Variants in DLG2 observed in about 807,000 individuals in gnomAD.
The protein encoded by DLG2 is disks large homolog 2.
DLG2 carries 45 observed loss-of-function variants against 132.5 expected under a neutral mutation model. The observed-to-expected ratio is 0.34, with a 90% CI of 0.27 to 0.44. The LOEUF is 0.44. Ranked by LOEUF, DLG2 falls within the 20% of genes least tolerant of loss-of-function variation. The pLI is 1.00. For synonymous variants in DLG2, 424 were observed against 419.6 expected, an observed-to-expected ratio of 1.01 and a Z score of -0.13; for missense variants, 1,045 against 1,196.9, an observed-to-expected ratio of 0.87 and a Z score of 1.87.
At chr11:83,965,071 C>T (rs2089889383) in intron 13 of DLG2, among the ~76,000 whole-genome samples, 1 of 151,986 alleles carries the variant, frequency 6.6e-6, no homozygotes, top group South Asian at 2.1e-4. Context: ...CCATACACTA[C>T]TTTAATCACA....
At chr11:84,491,577 T>A (rs2099165329) in intron 7 of DLG2, among the ~76,000 whole-genome samples, 1 of 152,130 alleles carries the variant, frequency 6.6e-6, no homozygotes, top group South Asian at 2.1e-4. Context: ...CACATCCTTG[T>A]TTGTTCTAAC....
At chr11:85,529,941 C>A (rs1331924059) in intron 3 of DLG2, among the ~76,000 whole-genome samples, 1 of 150,276 alleles carries the variant, frequency 6.7e-6, no homozygotes, top group Non-Finnish European at 1.5e-5. Flanking sequence ...ACCACTTTCT[C>A]TTCTAGCCAA....
intron 5 of DLG2, 104 bp downstream of exon 5, chr11:85,154,452 C>A: frequency 1.7e-6 from 1 of 604,192 alleles, no homozygotes; most frequent in Non-Finnish European, 2.8e-6. Context: ...AATTAGGTTA[C>A]ACATTTTCTT....
chr11:85,586,106 T>C (rs925694494), intron 3 of DLG2, among the ~76,000 whole-genome samples: 19 of 152,240 alleles, frequency 1.2e-4, no homozygotes, highest in African/African-American at 3.9e-4. Context: ...CCATTTGATA[T>C]GCTCTTAGAT....
At chr11:84,653,684 A>C (rs1444272749) in intron 6 of DLG2, among the ~76,000 whole-genome samples, 1 of 152,188 alleles carries the variant, frequency 6.6e-6, no homozygotes, top group Non-Finnish European at 1.5e-5. Flanking sequence ...CTAAGTGATA[A>C]TTCCACCAGT....
chr11:84,657,177 T>C (rs978836241), intron 6 of DLG2, among the ~76,000 whole-genome samples: 1 of 152,114 alleles, frequency 6.6e-6, no homozygotes, highest in Non-Finnish European at 1.5e-5. Flanking sequence ...GTAATAACAA[T>C]GATAATCATA....
chr11:84,247,487 G>T (rs80125169), intron 8 of DLG2, among the ~76,000 whole-genome samples: 1 of 152,036 alleles, frequency 6.6e-6, no homozygotes, highest in Non-Finnish European at 1.5e-5. Flanking sequence ...ATCTTTCCTT[G>T]TTTCTGCTTG....
intron 7 of DLG2, among the ~76,000 whole-genome samples, chr11:84,331,071 T>C (rs1026713149): frequency 6.6e-6 from 1 of 152,200 alleles, no homozygotes; most frequent in Non-Finnish European, 1.5e-5. Context: ...ATTTTTGCCT[T>C]AATTATATTT....
chr11:84,143,516 T>G lies in DLG2; in HGVS notation c.624+19945A>C, dbSNP rs1008959429. Among the ~76,000 whole-genome samples the G allele has an allele frequency of 5.6e-4, 85 of 152,218 alleles. 1 individual carries two copies. Among genetic ancestry groups the G allele is most frequent in the African/African-American group, 2.0e-3 (82 of 41,466 alleles). On this transcript the variant is annotated intron_variant, in intron 9 of 27. Coordinates refer to ENST00000376104, the MANE Select transcript of DLG2 (RefSeq NM_001142699.3). ...ACCACGTAATTCACCAAACAGGTTT[T>G]AATGCCTATTTTCATAATACATACA...
intron 7 of DLG2, among the ~76,000 whole-genome samples, chr11:84,407,584 C>T (rs958796791): frequency 1.3e-5 from 2 of 152,178 alleles, no homozygotes; most frequent in Admixed American, 6.5e-5. Flanking sequence ...TTCCTTCCAA[C>T]CCTGCTCTGA....
At chr11:85,460,635 G>A (rs914305332) in intron 3 of DLG2, among the ~76,000 whole-genome samples, 3 of 152,150 alleles carry the variant, frequency 2.0e-5, no homozygotes, top group Non-Finnish European at 4.4e-5. Flanking sequence ...TGTGAGAGAG[G>A]TGCACACTAG....
intron 6 of DLG2, among the ~76,000 whole-genome samples, chr11:85,058,249 T>C (rs926975856): frequency 6.6e-6 from 1 of 151,534 alleles, no homozygotes; most frequent in African/African-American, 2.4e-5. Context: ...TTTCTTTAAA[T>C]ATATCACCAA....
At chr11:84,781,311 A>T (rs905859572) in intron 6 of DLG2, among the ~76,000 whole-genome samples, 11 of 152,078 alleles carry the variant, frequency 7.2e-5, no homozygotes, top group African/African-American at 2.7e-4. Flanking sequence ...TTGACATACC[A>T]AACATATATT....
chr11:84,697,112 G>A (rs2058699001), intron 6 of DLG2, among the ~76,000 whole-genome samples: 1 of 151,272 alleles, frequency 6.6e-6, no homozygotes. Context: ...TGTGTTTATA[G>A]GGCAAACAAA....
At chr11:84,107,938 C>T (rs2093080882) in intron 9 of DLG2, among the ~76,000 whole-genome samples, 1 of 152,102 alleles carries the variant, frequency 6.6e-6, no homozygotes, top group African/African-American at 2.4e-5. Context: ...GGTGGGATGC[C>T]ATCAACGTGT....
chr11:84,431,293 C>T (rs1213778526), intron 7 of DLG2, among the ~76,000 whole-genome samples: 2 of 152,054 alleles, frequency 1.3e-5, no homozygotes, highest in African/African-American at 4.8e-5. Context: ...GGTCTAGAAT[C>T]ATACAGGATG....
chr11:84,278,047 GTTT>G (rs55650627), intron 7 of DLG2, among the ~76,000 whole-genome samples: 1 of 99,602 alleles, frequency 1.0e-5, no homozygotes, highest in Non-Finnish European at 2.0e-5. Flanking sequence ...GCCTGGCTAA[GTTT>G]TTTTTTTTTT....
At chr11:83,614,322 A>C (rs1280266423) in intron 19 of DLG2, among the ~76,000 whole-genome samples, 1 of 152,242 alleles carries the variant, frequency 6.6e-6, no homozygotes, top group Non-Finnish European at 1.5e-5. Flanking sequence ...GAGGTCGAGT[A>C]TGTGAAATGA....
intron 19 of DLG2, among the ~76,000 whole-genome samples, chr11:83,581,628 C>T (rs1345707602): frequency 6.6e-6 from 1 of 152,058 alleles, no homozygotes; most frequent in Non-Finnish European, 1.5e-5. Flanking sequence ...TTTTGTTTTT[C>T]CCCAGCAAGA....
Sources: gnomAD v4.1 joint callset for allele counts (sites outside exome capture counted in the v4.1 genomes callset) on GRCh38, gnomAD v4.1.1 for gene constraint, MANE v1.5 for transcripts, NCBI Gene and HGNC (gene_info 2026-07-23, HGNC 2026-07-21) for gene names.